The following TXNL1 variants were observed in gnomAD, a reference collection of about 807,000 sequenced individuals.
The protein encoded by TXNL1 is thioredoxin-like protein 1.
In TXNL1, 14 loss-of-function variants were observed where a neutral mutation model predicts 35.5. The observed-to-expected ratio is 0.39, with a 90% CI of 0.26 to 0.62. The LOEUF (loss-of-function observed/expected upper bound fraction) is 0.62, where lower values mean the gene tolerates loss of function less well. TXNL1 is among the 20% of genes least tolerant of loss of function. The pLI, the probability that TXNL1 is intolerant of heterozygous loss-of-function variation, is 0.47. For missense variants in TXNL1, 263 were observed against 349.7 expected, an observed-to-expected ratio of 0.75 and a Z score of 1.98; for synonymous variants, 110 against 115.5, an observed-to-expected ratio of 0.95 and a Z score of 0.31.
At chr18:56,619,438 T>C (rs1461182137) in intron 3 of TXNL1, among the ~76,000 whole-genome samples, 1 of 146,414 alleles carries the variant, frequency 6.8e-6, no homozygotes, top group Non-Finnish European at 1.5e-5. Flanking sequence ...CTCGGGAAGC[T>C]GAGGCAGGAG....
Position 56,638,350 on chromosome 18 carries a change from T to C in TXNL1, c.91A>G (p.Met31Val), listed in dbSNP as rs73499357. The change falls in exon 1 of 8, where the codon ATG becomes GTG. Residue 31 changes from methionine (M) to valine (V), a missense_variant. Coordinates refer to ENST00000217515, the MANE Select transcript of TXNL1 (RefSeq NM_004786.3). ...GCTCGAGCCTGGCCTCACCCTCTCATGGTGAACTTGACCACGGCGAGTCTG... is the reference window on the plus strand; with the variant it reads ...GCTCGAGCCTGGCCTCACCCTCTCACGGTGAACTTGACCACGGCGAGTCTG... ...GSRLAVVKFT[M>V]RGCGPCLRIA... The C allele has an allele frequency of 9.9e-6, 16 of 1,612,982 alleles. No individual in the cohort carries two copies. Among genetic ancestry groups the C allele is most frequent in the African/African-American group, 1.3e-5 (1 of 74,972 alleles).
At chr18:56,618,160 T>C (rs1373948639) in intron 3 of TXNL1, 34 bp from the exon 4 acceptor site, 1 of 1,602,796 alleles carries the variant, frequency 6.2e-7, no homozygotes, top group South Asian at 1.1e-5. Context: ...AGGCAACATA[T>C]TTGGATTAGG....
Position 56,599,798 on chromosome 18 carries a change from ATCCAGCCGCC to A in TXNL1, c.*3219_*3228del, listed in dbSNP as rs1187176367. ...GGTCTCAAACTCCTGACCTCAAGTG[ATCCAGCCGCC>A]TCGGCCTCCCAAAATGCTGGGATTA... On this transcript the variant is annotated 3_prime_UTR_variant, in exon 8 of 8. Coordinates refer to ENST00000217515, the MANE Select transcript of TXNL1 (RefSeq NM_004786.3). The A allele has an allele frequency of 1.3e-5, 2 of 152,100 alleles. No individual in the cohort carries two copies. Among genetic ancestry groups the A allele is most frequent in the Non-Finnish European group, 2.9e-5 (2 of 68,048 alleles). 9.4% of individuals were successfully genotyped at this position (152,100 alleles called of 1,614,324 possible).
Position 56,601,934 on chromosome 18 carries a change from C to A in TXNL1, c.*1093G>T, listed in dbSNP as rs1189648405. On this transcript the variant is annotated 3_prime_UTR_variant, in exon 8 of 8. Transcript: ENST00000217515. ...TTCTATTTGAGCACCTCATTTTCAA[C>A]CTTAAATCATGTTCTCTGTATATTT... 1 of 152,166 alleles carries A rather than the reference C, an allele frequency of 6.6e-6. No individual in the cohort carries two copies. Among genetic ancestry groups the A allele is most frequent in the Admixed American group, 6.5e-5 (1 of 15,270 alleles). 9.4% of individuals were successfully genotyped at this position (152,166 alleles called of 1,614,324 possible).
chr18:56,612,611 TGATGCCCCTGCC>T (rs2024015651), intron 6 of TXNL1, among the ~76,000 whole-genome samples: 1 of 152,102 alleles, frequency 6.6e-6, no homozygotes, highest in Non-Finnish European at 1.5e-5. Flanking sequence ...TTAGTGCAAG[TGATGCCCCTGCC>T]TAAGCCTCCC....
At position 56,599,184 on chromosome 18, in the gene TXNL1, C is replaced by G. The variant is rs1203084116; in HGVS notation, c.*3843G>C. 1 of 151,458 alleles carries G rather than the reference C, an allele frequency of 6.6e-6. No individual in the cohort carries two copies. Among genetic ancestry groups the G allele is most frequent in the Non-Finnish European group, 1.5e-5 (1 of 67,936 alleles). 9.4% of individuals were successfully genotyped at this position (151,458 alleles called of 1,614,324 possible). On this transcript the variant is annotated 3_prime_UTR_variant, in exon 8 of 8. Coordinates refer to ENST00000217515, the MANE Select transcript of TXNL1 (RefSeq NM_004786.3). ...TATAGTTCTCTAATTACACATTCTC[C>G]AACTAATAATTTTACATGGACCACA...
At chr18:56,637,765 G>A (rs2024479415) in intron 1 of TXNL1, among the ~76,000 whole-genome samples, 1 of 152,176 alleles carries the variant, frequency 6.6e-6, no homozygotes, top group Non-Finnish European at 1.5e-5. Context: ...GTGGCCGAAC[G>A]AGGAAGAAAA....
Position 56,601,068 on chromosome 18 carries a change from T to C in TXNL1, c.*1959A>G, listed in dbSNP as rs1333926331. On this transcript the variant is annotated 3_prime_UTR_variant, in exon 8 of 8. Coordinates refer to ENST00000217515, the MANE Select transcript of TXNL1 (RefSeq NM_004786.3). ...AGAGTTACATTTTTTCAAATGCTCT[T>C]ATTCATCTGGAAAATTCAGTGTTAT... 1.3e-5 allele frequency: 2 copies of C among 152,200 alleles called. No homozygotes were observed. Among genetic ancestry groups the C allele is most frequent in the Non-Finnish European group, 2.9e-5 (2 of 68,038 alleles). The allele number at this position is 152,200 out of a possible 1,614,324, so 9.4% of individuals were successfully genotyped here.
intron 1 of TXNL1, among the ~76,000 whole-genome samples, chr18:56,629,256 G>A (rs1246712969): frequency 5.3e-5 from 8 of 152,216 alleles, no homozygotes; most frequent in Non-Finnish European, 1.0e-4. Flanking sequence ...GGCCAGGCAC[G>A]CTGGCTCACG....
chr18:56,614,281 ATTTATCCCATTAAACAT>A, intron 6 of TXNL1, 126 bp downstream of exon 6: 1 of 671,932 alleles, frequency 1.5e-6, no homozygotes. Flanking sequence ...AAAGAAGAAA[ATTTATCCCATTAAACAT>A]TTTACTCATT....
At chr18:56,607,161 TTGTGTGTG>T (rs112495608) in intron 7 of TXNL1, among the ~76,000 whole-genome samples, 5 of 137,614 alleles carry the variant, frequency 3.6e-5, no homozygotes, top group African/African-American at 1.4e-4. Flanking sequence ...CTGGGTAATT[TTGTGTGTG>T]TGTGTGTGTG....
At chr18:56,633,433 C>T (rs765624972) in intron 1 of TXNL1, among the ~76,000 whole-genome samples, 5 of 115,702 alleles carry the variant, frequency 4.3e-5, no homozygotes, top group African/African-American at 1.0e-4. Context: ...GGCTAGAGAG[C>T]GAGACTCTGT....
chr18:56,624,477 T>G lies in TXNL1; in HGVS notation c.196-16A>C, dbSNP rs1438610318. On this transcript the variant is annotated splice_polypyrimidine_tract_variant and intron_variant, in intron 2 of 7. Coordinates refer to ENST00000217515, the MANE Select transcript of TXNL1 (RefSeq NM_004786.3). ...CAGCTGTTCCCTAGAATTGGCAAGT[T>G]GGACAGTGTTATGAATTAAATCTTA... The G allele has an allele frequency of 6.2e-7, 1 of 1,606,936 alleles. No homozygotes were observed. The highest frequency in any genetic ancestry group is 8.5e-7 in the Non-Finnish European group (1 of 1,175,310).
At chr18:56,623,092 A>T (rs1279271523) in intron 3 of TXNL1, among the ~76,000 whole-genome samples, 1 of 152,090 alleles carries the variant, frequency 6.6e-6, no homozygotes, top group African/African-American at 2.4e-5. Flanking sequence ...TAGCTCCATG[A>T]CACAGATCTG....
chr18:56,636,546 A>AT (rs559157601), intron 1 of TXNL1, among the ~76,000 whole-genome samples: 41 of 152,252 alleles, frequency 2.7e-4, no homozygotes, highest in South Asian at 6.2e-4. Flanking sequence ...CCAAACATTA[A>AT]TTTTCCCTCG....
chr18:56,625,900 C>G (rs935899579), intron 2 of TXNL1, among the ~76,000 whole-genome samples: 1 of 152,132 alleles, frequency 6.6e-6, no homozygotes, highest in African/African-American at 2.4e-5. Context: ...GGGCAATTCA[C>G]CTACAACACT....
At chr18:56,633,929 A>T (rs2024416296) in intron 1 of TXNL1, among the ~76,000 whole-genome samples, 1 of 133,626 alleles carries the variant, frequency 7.5e-6, no homozygotes, top group Non-Finnish European at 1.6e-5. Context: ...GGTTGCAGTG[A>T]GCTGAGATCA....
At chr18:56,612,188 G>A (rs114957230) in intron 6 of TXNL1, among the ~76,000 whole-genome samples, 90 of 151,852 alleles carry the variant, frequency 5.9e-4, no homozygotes, top group African/African-American at 2.1e-3. Context: ...TATAGAGAAT[G>A]TTGAAAGGGT....
Position 56,599,413 on chromosome 18 carries a change from A to AAGAAT in TXNL1, c.*3613_*3614insATTCT, listed in dbSNP as rs2023782617. The AAGAAT allele has an allele frequency of 6.6e-6, 1 of 152,114 alleles. No homozygotes were observed. Among genetic ancestry groups the AAGAAT allele is most frequent in the African/African-American group, 2.4e-5 (1 of 41,382 alleles). 9.4% of individuals were successfully genotyped at this position (152,114 alleles called of 1,614,324 possible). Reference sequence around the variant, plus strand: ...GTCAATATTTTAAAATTTATTTACTATATGCATGTTATATATACTTGCTTT... The same window carrying AAGAAT: ...GTCAATATTTTAAAATTTATTTACTAAGAATTATGCATGTTATATATACTTGCTTT... On this transcript the variant is annotated 3_prime_UTR_variant, in exon 8 of 8. Transcript: ENST00000217515.
Sources: allele counts gnomAD v4.1 joint callset (sites outside exome capture counted in the v4.1 genomes callset), GRCh38; gene constraint gnomAD v4.1.1; transcripts MANE v1.5; gene names NCBI Gene and HGNC (gene_info 2026-07-23, HGNC 2026-07-21).